The following MAML2 variants were observed in gnomAD, a reference collection of about 807,000 sequenced individuals.
MAML2 encodes mastermind-like protein 2.
In MAML2, 22 loss-of-function variants were observed where a neutral mutation model predicts 96.1. The ratio of observed to expected loss-of-function variants is 0.23; its 90% CI spans 0.16 to 0.33. The LOEUF is 0.33. Ranked by LOEUF, MAML2 falls within the 10% of genes least tolerant of loss-of-function variation. MAML2 has a pLI of 1.00. For synonymous variants in MAML2, 561 were observed against 521.3 expected (o/e 1.08, Z -1.04); for missense variants, 1,367 against 1,392.4 (o/e 0.98, Z 0.29).
At chr11:96,291,538 T>G (rs887501149) in intron 1 of MAML2, among the ~76,000 whole-genome samples, 1 of 152,238 alleles carries the variant, frequency 6.6e-6, no homozygotes, top group African/African-American at 2.4e-5. Context: ...TCATGTGACA[T>G]AATACTCTGC....
intron 1 of MAML2, among the ~76,000 whole-genome samples, chr11:96,131,548 G>A (rs534557691): frequency 5.3e-5 from 8 of 152,208 alleles, no homozygotes; most frequent in South Asian, 2.1e-4. Context: ...TTACAATTGC[G>A]TTTATATGAA....
intron 1 of MAML2, among the ~76,000 whole-genome samples, chr11:96,154,307 C>T (rs1031405108): frequency 2.0e-5 from 3 of 152,174 alleles, no homozygotes; most frequent in Non-Finnish European, 1.5e-5. Flanking sequence ...CAGTCTGCAA[C>T]ACAGAAAATG....
At chr11:96,337,688 A>G (rs996551844) in intron 1 of MAML2, among the ~76,000 whole-genome samples, 7 of 152,372 alleles carry the variant, frequency 4.6e-5, no homozygotes, top group African/African-American at 1.7e-4. Flanking sequence ...TCTATTTACA[A>G]TAAGTGCTAT....
At position 95,978,070 on chromosome 11, in the gene MAML2, A is replaced by C. The variant is rs1174753649; in HGVS notation, c.*878T>G. 1 of 218,276 alleles carries C rather than the reference A, an allele frequency of 4.6e-6. No individual in the cohort carries two copies. Among genetic ancestry groups the C allele is most frequent in the African/African-American group, 2.2e-5 (1 of 44,550 alleles). 13.5% of individuals were successfully genotyped at this position (218,276 alleles called of 1,614,324 possible). On this transcript the variant is annotated 3_prime_UTR_variant, in exon 5 of 5. Coordinates refer to ENST00000524717, the MANE Select transcript of MAML2 (RefSeq NM_032427.4). Reference sequence around the variant, plus strand: ...GCTTGGGAACAAACCAGCAGGCATCAATCATAATAAGCAACATCCCAGGTT... The same window carrying C: ...GCTTGGGAACAAACCAGCAGGCATCCATCATAATAAGCAACATCCCAGGTT...
At chr11:96,017,890 T>C (rs1212578313) in intron 2 of MAML2, among the ~76,000 whole-genome samples, 1 of 152,224 alleles carries the variant, frequency 6.6e-6, no homozygotes, top group African/African-American at 2.4e-5. Context: ...GTCAGAACTT[T>C]AGCTTTTACT....
intron 1 of MAML2, among the ~76,000 whole-genome samples, chr11:96,241,536 T>C (rs570896817): frequency 8.3e-4 from 127 of 152,332 alleles, no homozygotes; most frequent in African/African-American, 3.0e-3. Flanking sequence ...AAATATCTTA[T>C]AATGCACAGG....
At chr11:96,204,541 A>G (rs917206076) in intron 1 of MAML2, among the ~76,000 whole-genome samples, 3 of 152,242 alleles carry the variant, frequency 2.0e-5, no homozygotes. Flanking sequence ...GATCAGGTTA[A>G]TTGTATTCAA....
chr11:96,252,145 C>T (rs997053199), intron 1 of MAML2, among the ~76,000 whole-genome samples: 10 of 151,882 alleles, frequency 6.6e-5, no homozygotes, highest in Non-Finnish European at 1.0e-4. Flanking sequence ...ACTCGTTATG[C>T]TGTTGGGAAA....
Position 96,009,236 on chromosome 11 carries a change from C to T in MAML2, c.2140-17513G>A, listed in dbSNP as rs545721842. Among the ~76,000 whole-genome samples the T allele has an allele frequency of 1.4e-4, 22 of 152,282 alleles. No individual in the cohort carries two copies. In the South Asian group the frequency reaches 3.7e-3, roughly 26 times the overall value. On this transcript the variant is annotated intron_variant, in intron 2 of 4. Coordinates refer to ENST00000524717, the MANE Select transcript of MAML2 (RefSeq NM_032427.4). ...GTATAGCAGTCCTTCTGCACCTCAG[C>T]GCTGCAACTTTTCCTTTACATCTTC...
chr11:96,058,646 G>A (rs1309498079), intron 2 of MAML2, among the ~76,000 whole-genome samples: 1 of 152,146 alleles, frequency 6.6e-6, no homozygotes, highest in African/African-American at 2.4e-5. Context: ...GAGCGAGATT[G>A]CCTCTTTGAG....
intron 1 of MAML2, among the ~76,000 whole-genome samples, chr11:96,197,413 C>G (rs1224462809): frequency 6.6e-6 from 1 of 152,136 alleles, no homozygotes; most frequent in Non-Finnish European, 1.5e-5. Context: ...AACAGTTGCT[C>G]TGACTCTTTG....
At chr11:96,107,165 G>A (rs1326092232) in intron 1 of MAML2, among the ~76,000 whole-genome samples, 2 of 151,862 alleles carry the variant, frequency 1.3e-5, no homozygotes, top group Non-Finnish European at 2.9e-5. Context: ...GTCTTTTGCA[G>A]TCCCCCGGCA....
chr11:96,268,748 A>C lies in MAML2; in HGVS notation c.513+72635T>G, dbSNP rs369447055. Among the ~76,000 whole-genome samples, 8 of 150,338 alleles carry C rather than the reference A, an allele frequency of 5.3e-5. No individual in the cohort carries two copies. In the East Asian group the frequency reaches 5.9e-4, roughly 11 times the overall value. On this transcript the variant is annotated intron_variant, in intron 1 of 4. Transcript: ENST00000524717. Reference sequence around the variant, plus strand: ...AAGTCTCACGAGATCTGATGGTTTTATAAAGGGGAGTTCCCCTGCACACGA... The same window carrying C: ...AAGTCTCACGAGATCTGATGGTTTTCTAAAGGGGAGTTCCCCTGCACACGA...
chr11:96,040,290 A>G (rs1858787689), intron 2 of MAML2, among the ~76,000 whole-genome samples: 1 of 152,192 alleles, frequency 6.6e-6, no homozygotes, highest in Non-Finnish European at 1.5e-5. Context: ...ATTACAGAAA[A>G]ATAGAGTAAC....
chr11:96,304,815 G>A (rs1863442029), intron 1 of MAML2, among the ~76,000 whole-genome samples: 1 of 151,988 alleles, frequency 6.6e-6, no homozygotes, highest in African/African-American at 2.4e-5. Context: ...CAGGATAAAG[G>A]GACCTTAAAG....
intron 4 of MAML2, among the ~76,000 whole-genome samples, chr11:95,984,272 T>G (rs147024851): frequency 2.4e-4 from 37 of 152,322 alleles, no homozygotes; most frequent in Middle Eastern, 3.4e-3. Flanking sequence ...CACTTTATGA[T>G]GTTTGCACAA....
At chr11:96,011,527 T>C (rs925812627) in intron 2 of MAML2, among the ~76,000 whole-genome samples, 1 of 151,810 alleles carries the variant, frequency 6.6e-6, no homozygotes, top group African/African-American at 2.4e-5. Flanking sequence ...TGAGTACACA[T>C]GGACATAAAG....
At chr11:95,983,544 A>T (rs1040199207) in intron 4 of MAML2, among the ~76,000 whole-genome samples, 1 of 152,208 alleles carries the variant, frequency 6.6e-6, no homozygotes, top group Non-Finnish European at 1.5e-5. Flanking sequence ...TCAAATACCA[A>T]GAAGAGGATT....
At chr11:96,159,431 G>GTTTTTTTTTTTTA (rs1861067957) in intron 1 of MAML2, among the ~76,000 whole-genome samples, 1 of 4,182 alleles carries the variant, frequency 2.4e-4, no homozygotes, top group Non-Finnish European at 5.1e-4. Flanking sequence ...TTTTTTTTTT[G>GTTTTTTTTTTTTA]AGACGGAGTC....
Sources: gnomAD v4.1 joint callset for allele counts (sites outside exome capture counted in the v4.1 genomes callset) on GRCh38, gnomAD v4.1.1 for gene constraint, MANE v1.5 for transcripts, NCBI Gene and HGNC (gene_info 2026-07-23, HGNC 2026-07-21) for gene names.